The following NRG3 variants were observed in gnomAD, a reference collection of about 807,000 sequenced individuals.
NRG3 encodes pro-neuregulin-3, membrane-bound isoform.
NRG3 carries 31 observed loss-of-function variants against 66.9 expected under a neutral mutation model. That is an observed-to-expected ratio of 0.46 (90% confidence interval 0.35 to 0.63). The LOEUF (loss-of-function observed/expected upper bound fraction) is 0.63, where lower values mean the gene tolerates loss of function less well. Ranked by LOEUF, NRG3 falls within the 20% of genes least tolerant of loss-of-function variation. The pLI, the probability that NRG3 is intolerant of heterozygous loss-of-function variation, is 0.00. For missense variants in NRG3, 910 were observed against 878.9 expected (o/e 1.04, Z -0.45); for synonymous variants, 393 against 359.4 (o/e 1.09, Z -1.06).
At chr10:82,801,599 T>A (rs985321329) in intron 3 of NRG3, among the ~76,000 whole-genome samples, 4 of 152,082 alleles carry the variant, frequency 2.6e-5, no homozygotes, top group Non-Finnish European at 5.9e-5. Context: ...AAATGGAAAA[T>A]TGTAATCTTC....
chr10:82,201,975 C>T (rs1414583413), intron 1 of NRG3, among the ~76,000 whole-genome samples: 2 of 152,094 alleles, frequency 1.3e-5, no homozygotes, highest in East Asian at 1.9e-4. Flanking sequence ...AATTGATATA[C>T]ACCCATCAAA....
At chr10:82,607,691 C>T (rs2048051625) in intron 2 of NRG3, among the ~76,000 whole-genome samples, 1 of 151,846 alleles carries the variant, frequency 6.6e-6, no homozygotes, top group African/African-American at 2.4e-5. Flanking sequence ...TTTAACTGAG[C>T]TCATAATAGA....
At chr10:82,690,718 C>A (rs750633637) in intron 2 of NRG3, among the ~76,000 whole-genome samples, 2 of 152,144 alleles carry the variant, frequency 1.3e-5, no homozygotes, top group Non-Finnish European at 2.9e-5. Context: ...AGATTTACAT[C>A]AATCCAGAAC....
At chr10:82,742,784 G>A (rs1461481451) in intron 3 of NRG3, among the ~76,000 whole-genome samples, 2 of 152,070 alleles carry the variant, frequency 1.3e-5, no homozygotes, top group South Asian at 2.1e-4. Context: ...TCCTGCCCTG[G>A]TTTTCCTTCC....
chr10:82,672,928 T>A (rs985034713), intron 2 of NRG3, among the ~76,000 whole-genome samples: 4 of 152,194 alleles, frequency 2.6e-5, no homozygotes, highest in Non-Finnish European at 4.4e-5. Flanking sequence ...TTTTTGTGTT[T>A]TCAGTAGAGA....
In NRG3 at chr10:82,651,807, T is replaced by C. The variant is rs74473889; in HGVS notation, c.954-86770T>C. Among the ~76,000 whole-genome samples, 663 of 152,300 alleles carry C rather than the reference T, an allele frequency of 4.4e-3. 7 individuals carry two copies. Among genetic ancestry groups the C allele is most frequent in the African/African-American group, 0.015 (638 of 41,570 alleles). On this transcript the variant is annotated intron_variant, in intron 2 of 8. Transcript: ENST00000372141. ...TGAGGTATATATTCATCCCCAAATA[T>C]CAGTAGTTCCAAGGTAAAGAAACCT...
chr10:82,334,194 C>G (rs2082278108), intron 1 of NRG3, among the ~76,000 whole-genome samples: 2 of 150,634 alleles, frequency 1.3e-5, no homozygotes, highest in African/African-American at 4.9e-5. Context: ...CTGGTGAGTG[C>G]AAGCAAGAGT....
intron 2 of NRG3, among the ~76,000 whole-genome samples, chr10:82,404,146 A>C (rs1337452964): frequency 2.0e-5 from 3 of 152,168 alleles, no homozygotes; most frequent in African/African-American, 7.2e-5. Context: ...ATTAGGGAGA[A>C]GGCATTCAAA....
intron 1 of NRG3, among the ~76,000 whole-genome samples, chr10:82,062,129 A>G (rs1458542790): frequency 6.6e-6 from 1 of 152,120 alleles, no homozygotes; most frequent in Non-Finnish European, 1.5e-5. Flanking sequence ...GGGGTGATCC[A>G]AGCAGCCCGG....
chr10:82,886,972 G>T (rs1842771961), intron 4 of NRG3, among the ~76,000 whole-genome samples: 3 of 152,256 alleles, frequency 2.0e-5, no homozygotes, highest in South Asian at 4.1e-4. Context: ...TTGTAAAATC[G>T]TTCTAATTAG....
chr10:82,678,373 C>T (rs2053870590), intron 2 of NRG3, among the ~76,000 whole-genome samples: 1 of 152,036 alleles, frequency 6.6e-6, no homozygotes, highest in Admixed American at 6.5e-5. Context: ...TGTTCTCTGG[C>T]CGGCAGGGGT....
At position 82,100,426 on chromosome 10, in the gene NRG3, C is replaced by T. The variant is rs189185805; in HGVS notation, c.823+224263C>T. Among the ~76,000 whole-genome samples, 8 of 151,954 alleles carry T rather than the reference C, an allele frequency of 5.3e-5. No homozygotes were observed. In the East Asian group the frequency reaches 5.8e-4, roughly 11 times the overall value. ...GGGATGTTTATTATAATGTTGAATACGATGATGTATAATGGACTTTCTTCC... is the reference window on the plus strand; with the variant it reads ...GGGATGTTTATTATAATGTTGAATATGATGATGTATAATGGACTTTCTTCC... On this transcript the variant is annotated intron_variant, in intron 1 of 8. Transcript: ENST00000372141.
chr10:82,089,840 T>C (rs1246861491), intron 1 of NRG3, among the ~76,000 whole-genome samples: 1 of 152,190 alleles, frequency 6.6e-6, no homozygotes, highest in Non-Finnish European at 1.5e-5. Context: ...CATGTGGGCA[T>C]TTTATGGTCT....
At chr10:82,497,012 T>C (rs1843690591) in intron 2 of NRG3, among the ~76,000 whole-genome samples, 1 of 152,162 alleles carries the variant, frequency 6.6e-6, no homozygotes, top group Non-Finnish European at 1.5e-5. Flanking sequence ...AGTTGCTGTC[T>C]CTCTCAGTTA....
intron 2 of NRG3, among the ~76,000 whole-genome samples, chr10:82,467,363 C>T (rs1840784151): frequency 6.6e-6 from 1 of 152,186 alleles, no homozygotes; most frequent in African/African-American, 2.4e-5. Flanking sequence ...TTCTGTTCCT[C>T]ATTTTATCTC....
intron 2 of NRG3, among the ~76,000 whole-genome samples, chr10:82,582,666 G>GTGTGTGTT (rs1231791748): frequency 4.5e-5 from 6 of 134,116 alleles, no homozygotes; most frequent in Admixed American, 4.2e-4. Flanking sequence ...TATGTGTTGT[G>GTGTGTGTT]TGTGTGTGTG....
intron 2 of NRG3, among the ~76,000 whole-genome samples, chr10:82,408,520 A>G (rs1455358382): frequency 1.3e-5 from 2 of 151,958 alleles, no homozygotes; most frequent in Non-Finnish European, 2.9e-5. Context: ...AAATGGTTAA[A>G]TTTATAAAGT....
At chr10:82,544,975 C>G (rs1185655095) in intron 2 of NRG3, among the ~76,000 whole-genome samples, 1 of 152,138 alleles carries the variant, frequency 6.6e-6, no homozygotes, top group Non-Finnish European at 1.5e-5. Context: ...GACTGTATTT[C>G]AGAAATAATT....
chr10:82,887,925 T>C (rs376282732), intron 4 of NRG3, among the ~76,000 whole-genome samples: 23 of 152,272 alleles, frequency 1.5e-4, no homozygotes, highest in African/African-American at 4.3e-4. Flanking sequence ...ACTGGCACTC[T>C]AGTTATTGTT....
Sources: gnomAD v4.1 joint callset for allele counts (sites outside exome capture counted in the v4.1 genomes callset) on GRCh38, gnomAD v4.1.1 for gene constraint, MANE v1.5 for transcripts, NCBI Gene and HGNC (gene_info 2026-07-23, HGNC 2026-07-21) for gene names.